FCHSD2: variants seen among roughly 807,000 people sequenced by gnomAD.
The protein encoded by FCHSD2 is F-BAR and double SH3 domains protein 2.
A neutral mutation model predicts 108.1 loss-of-function variants in FCHSD2; 38 were observed. The ratio of observed to expected loss-of-function variants is 0.35; its 90% CI spans 0.27 to 0.46. The LOEUF (loss-of-function observed/expected upper bound fraction) is 0.46, where lower values mean the gene tolerates loss of function less well. Ranked by LOEUF, FCHSD2 falls within the 20% of genes least tolerant of loss-of-function variation. The probability of loss-of-function intolerance (pLI) is 1.00; values close to 1 mark genes in which losing one functional copy is unlikely to be tolerated. For synonymous variants in FCHSD2, 279 were observed against 314.7 expected (o/e 0.89, Z 1.20); for missense variants, 751 against 897.8 (o/e 0.84, Z 2.09).
intron 16 of FCHSD2, 119 bp from the exon 17 acceptor site, chr11:72,842,960 A>C: frequency 1.1e-6 from 1 of 937,972 alleles, no homozygotes. Flanking sequence ...TTAAAGTTGT[A>C]ATTTTTTTAC....
chr11:72,959,479 C>A (rs963828555), intron 8 of FCHSD2, among the ~76,000 whole-genome samples: 1 of 988 alleles, frequency 1.0e-3, no homozygotes, highest in South Asian at 0.25. Flanking sequence ...TCATGATCCG[C>A]CCGCCTCGGC....
intron 2 of FCHSD2, among the ~76,000 whole-genome samples, chr11:73,092,341 T>C (rs1859978381): frequency 6.6e-6 from 1 of 151,868 alleles, no homozygotes; most frequent in Non-Finnish European, 1.5e-5. Flanking sequence ...GGTCTTGCTA[T>C]GTTGCTGAGG....
chr11:72,909,731 C>G (rs917959788), intron 9 of FCHSD2, among the ~76,000 whole-genome samples: 11 of 148,594 alleles, frequency 7.4e-5, no homozygotes, highest in Admixed American at 1.3e-4. Flanking sequence ...GCCGCCACCC[C>G]GTCTGGTAGG....
chr11:73,117,974 T>C (rs1860642984), intron 2 of FCHSD2, among the ~76,000 whole-genome samples: 2 of 152,210 alleles, frequency 1.3e-5, no homozygotes, highest in Admixed American at 6.5e-5. Flanking sequence ...ATATACATTT[T>C]CTGAGTTTTG....
At position 72,843,548 on chromosome 11, in the gene FCHSD2, G is replaced by C; in HGVS notation, c.1444-16C>G. ...GTTGAGAAGCCTGCAGTGTAGGATG[G>C]TCATGGACAAAATTAAAAAGGTTAG... On this transcript the variant is annotated splice_polypyrimidine_tract_variant and intron_variant, in intron 14 of 19. Transcript: ENST00000409418. 6.3e-7 allele frequency: 1 copy of C among 1,598,588 alleles called. No individual in the cohort carries two copies. The highest frequency in any genetic ancestry group is 8.6e-7 in the Non-Finnish European group (1 of 1,166,060).
At chr11:72,874,156 A>G (rs1040455553) in intron 12 of FCHSD2, among the ~76,000 whole-genome samples, 5 of 152,138 alleles carry the variant, frequency 3.3e-5, no homozygotes, top group South Asian at 4.1e-4. Context: ...TCTTTTGCAT[A>G]TGGATATCCA....
intron 5 of FCHSD2, among the ~76,000 whole-genome samples, chr11:72,992,001 T>C (rs1321250138): frequency 6.6e-6 from 1 of 152,194 alleles, no homozygotes; most frequent in Non-Finnish European, 1.5e-5. Flanking sequence ...TGATTGTTTA[T>C]TTAGAAAACC....
chr11:73,062,215 G>A (rs960287787), intron 3 of FCHSD2, among the ~76,000 whole-genome samples: 1 of 152,186 alleles, frequency 6.6e-6, no homozygotes, highest in East Asian at 1.9e-4. Context: ...TGCAGCAGAG[G>A]GGCCTGTCAG....
chr11:73,016,851 T>C (rs1357417460), intron 3 of FCHSD2, among the ~76,000 whole-genome samples: 1 of 152,242 alleles, frequency 6.6e-6, no homozygotes, highest in Non-Finnish European at 1.5e-5. Context: ...TAAAACAGAA[T>C]GTTTATCTAT....
chr11:73,142,079 G>C lies in FCHSD2; in HGVS notation c.-202C>G. 1 of 521,250 alleles carries C rather than the reference G, an allele frequency of 1.9e-6. No homozygotes were observed. The highest frequency in any genetic ancestry group is 3.5e-5 in the East Asian group (1 of 28,328). 32.3% of individuals were successfully genotyped at this position (521,250 alleles called of 1,614,324 possible). A position where few individuals can be genotyped will look rare whatever the true frequency, so the allele number is the denominator to read the frequency against. On this transcript the variant is annotated 5_prime_UTR_variant, in exon 1 of 20. Coordinates refer to ENST00000409418, the MANE Select transcript of FCHSD2 (RefSeq NM_014824.3). ...AGAGAGCGAGTGTGAGGAGACGAGG[G>C]AGGAGCACCGGGAAGGCTTGGGGCC...
At chr11:72,929,429 G>T (rs1036715748) in intron 8 of FCHSD2, among the ~76,000 whole-genome samples, 16 of 152,206 alleles carry the variant, frequency 1.1e-4, no homozygotes, top group Non-Finnish European at 1.8e-4. Flanking sequence ...TTTCTGGTGG[G>T]TAAGATAGCT....
Position 73,107,052 on chromosome 11 carries a change from T to TA in FCHSD2, c.120-23313_120-23312insT, listed in dbSNP as rs57864696. Among the ~76,000 whole-genome samples the TA allele has an allele frequency of 1.9e-3, 293 of 152,004 alleles. 1 individual carries two copies. Among genetic ancestry groups the TA allele is most frequent in the African/African-American group, 6.8e-3 (280 of 41,340 alleles). ...TAGAAAAGCTATATATATATATATA[T>TA]TTTTAAATGGAGTCTCACTCTGTCA... On this transcript the variant is annotated intron_variant, in intron 2 of 19. Coordinates refer to ENST00000409418, the MANE Select transcript of FCHSD2 (RefSeq NM_014824.3).
intron 8 of FCHSD2, among the ~76,000 whole-genome samples, chr11:72,943,701 G>C (rs1219518269): frequency 6.6e-6 from 1 of 152,094 alleles, no homozygotes; most frequent in African/African-American, 2.4e-5. Flanking sequence ...TGTTCACTGA[G>C]GCACTCAGAA....
At chr11:72,978,607 C>T (rs1363471780) in intron 8 of FCHSD2, among the ~76,000 whole-genome samples, 2 of 152,076 alleles carry the variant, frequency 1.3e-5, no homozygotes, top group Non-Finnish European at 2.9e-5. Context: ...TGGGAGGTGA[C>T]TGGATTATAG....
intron 19 of FCHSD2, 130 bp downstream of exon 19, chr11:72,840,747 C>T: frequency 3.1e-6 from 2 of 635,012 alleles, no homozygotes; most frequent in Non-Finnish European, 5.6e-6. Context: ...CTCTTTTTAC[C>T]TTCCCAAACC....
In FCHSD2 at chr11:72,842,562, C is replaced by A; in HGVS notation, c.1926+59G>T. ...CCCACTTTTGTGTGGATCCACAGACCCTTTGGGAGCAATTTTCTTTAAACA... is the reference window on the plus strand; with the variant it reads ...CCCACTTTTGTGTGGATCCACAGACACTTTGGGAGCAATTTTCTTTAAACA... On this transcript the variant is annotated intron_variant, in intron 17 of 19. Coordinates refer to ENST00000409418, the MANE Select transcript of FCHSD2 (RefSeq NM_014824.3). 4 of 1,603,624 alleles carry A rather than the reference C, an allele frequency of 2.5e-6. No individual in the cohort carries two copies. In the East Asian group the frequency reaches 8.9e-5, roughly 36 times the overall value.
intron 3 of FCHSD2, among the ~76,000 whole-genome samples, chr11:73,031,441 A>G (rs1165228480): frequency 6.6e-6 from 1 of 152,098 alleles, no homozygotes; most frequent in Non-Finnish European, 1.5e-5. Flanking sequence ...ACTGCACTCC[A>G]GCCTGGGTGA....
At chr11:72,955,737 T>C (rs1207912946) in intron 8 of FCHSD2, among the ~76,000 whole-genome samples, 1 of 152,128 alleles carries the variant, frequency 6.6e-6, no homozygotes, top group Non-Finnish European at 1.5e-5. Flanking sequence ...AGGAGCCCTG[T>C]GACAGGAACT....
chr11:72,904,997 G>A (rs1421246190), intron 9 of FCHSD2, among the ~76,000 whole-genome samples: 4 of 152,150 alleles, frequency 2.6e-5, no homozygotes, highest in African/African-American at 4.8e-5. Flanking sequence ...GGAAGGTAAC[G>A]TTTACTTCCA....
Sources: allele counts gnomAD v4.1 joint callset (sites outside exome capture counted in the v4.1 genomes callset), GRCh38; gene constraint gnomAD v4.1.1; transcripts MANE v1.5; gene names NCBI Gene and HGNC (gene_info 2026-07-23, HGNC 2026-07-21).